Variants in ZNF423 observed in about 807,000 individuals in gnomAD.
ZNF423 encodes Ebf-associated zinc finger protein.
ZNF423 carries 12 observed loss-of-function variants against 95.8 expected under a neutral mutation model. The ratio of observed to expected loss-of-function variants is 0.13; its 90% confidence interval spans 0.08 to 0.20. The LOEUF (loss-of-function observed/expected upper bound fraction) is 0.20. ZNF423 is among the 10% of genes least tolerant of loss of function. The pLI is 1.00. For missense variants in ZNF423, 1,316 were observed against 1,737.1 expected (o/e 0.76, Z 4.31); for synonymous variants, 749 against 711.9 (o/e 1.05, Z -0.83).
At chr16:49,696,669 C>T (rs1268409375) in intron 3 of ZNF423, among the ~76,000 whole-genome samples, 2 of 152,038 alleles carry the variant, frequency 1.3e-5, no homozygotes, top group African/African-American at 4.8e-5. Context: ...CTACCTCCCC[C>T]TCATTGTGCA....
chr16:49,507,497 G>A (rs1010876104), intron 7 of ZNF423, among the ~76,000 whole-genome samples: 2 of 152,152 alleles, frequency 1.3e-5, no homozygotes, highest in Admixed American at 6.5e-5. Flanking sequence ...TGGCGCCACA[G>A]GTCAGGGCTG....
rs138209675 is a variant in ZNF423 at position 49,817,333 on chromosome 16, A to T, written c.41-27787T>A. On this transcript the variant is annotated intron_variant, in intron 1 of 7. Coordinates refer to ENST00000563137, the MANE Select transcript of ZNF423 (RefSeq NM_001379286.1). ...CAACAGAAAAGATGCTGCTAAAATT[A>T]CTATGAAGTCTTTCCCCAAAAGGCA... Among the ~76,000 whole-genome samples, 644 of 152,312 alleles carry T rather than the reference A, an allele frequency of 4.2e-3. 5 individuals are homozygous for T. The highest frequency in any genetic ancestry group is 0.015 in the African/African-American group (615 of 41,566).
intron 3 of ZNF423, among the ~76,000 whole-genome samples, chr16:49,675,659 A>G (rs1401182077): frequency 1.3e-5 from 2 of 152,134 alleles, no homozygotes. Flanking sequence ...TCACACGCAC[A>G]TGGAGCCAAG....
chr16:49,689,796 G>A (rs780241795), intron 3 of ZNF423, among the ~76,000 whole-genome samples: 1 of 152,150 alleles, frequency 6.6e-6, no homozygotes, highest in Non-Finnish European at 1.5e-5. Flanking sequence ...GATGCATCTG[G>A]GAGGGGTGGC....
At chr16:49,822,425 C>A (rs907465532) in intron 1 of ZNF423, among the ~76,000 whole-genome samples, 22 of 152,152 alleles carry the variant, frequency 1.4e-4, no homozygotes, top group Non-Finnish European at 3.1e-4. Context: ...CCACCTGCCT[C>A]AACCTCCCAA....
intron 2 of ZNF423, among the ~76,000 whole-genome samples, chr16:49,786,664 A>G (rs968149814): frequency 2.0e-5 from 3 of 152,228 alleles, no homozygotes; most frequent in African/African-American, 7.2e-5. Flanking sequence ...CAAGTGGTGC[A>G]GAGGTGAAAC....
At chr16:49,741,043 G>C (rs1017804437) in intron 2 of ZNF423, among the ~76,000 whole-genome samples, 2 of 152,178 alleles carry the variant, frequency 1.3e-5, no homozygotes, top group Non-Finnish European at 2.9e-5. Flanking sequence ...CGGATAACGA[G>C]TGGAGAGAAG....
chr16:49,621,512 C>T (rs781233515), intron 5 of ZNF423, among the ~76,000 whole-genome samples: 9 of 152,152 alleles, frequency 5.9e-5, no homozygotes, highest in Non-Finnish European at 8.8e-5. Flanking sequence ...GCCGGTTTAC[C>T]GCCCCGCAGG....
rs1190150386 is a variant in ZNF423 at position 49,489,962 on chromosome 16, C to T, written c.*1313G>A. The T allele has an allele frequency of 1.3e-5, 2 of 152,212 alleles. No individual in the cohort carries two copies. Among genetic ancestry groups the T allele is most frequent in the East Asian group, 3.9e-4 (2 of 5,194 alleles). The allele number at this position is 152,212 out of a possible 1,614,324, so 9.4% of individuals were successfully genotyped here. On this transcript the variant is annotated 3_prime_UTR_variant, in exon 8 of 8. Transcript: ENST00000563137. ...AGAGTGTAAAATGCAAGAGGACACCCATTCCCAGCACTTGCAGGTGTAGGG... is the reference window on the plus strand; with the variant it reads ...AGAGTGTAAAATGCAAGAGGACACCTATTCCCAGCACTTGCAGGTGTAGGG...
At chr16:49,796,453 A>G (rs1011218385) in intron 1 of ZNF423, among the ~76,000 whole-genome samples, 1 of 152,190 alleles carries the variant, frequency 6.6e-6, no homozygotes, top group African/African-American at 2.4e-5. Context: ...GGGAAACAGA[A>G]AGGGAAGGTG....
chr16:49,500,786 T>C (rs1967366140), intron 7 of ZNF423, among the ~76,000 whole-genome samples: 1 of 151,238 alleles, frequency 6.6e-6, no homozygotes, highest in African/African-American at 2.4e-5. Context: ...CGTGTGCCTG[T>C]AGTCCCAGCT....
intron 4 of ZNF423, among the ~76,000 whole-genome samples, chr16:49,631,161 A>G (rs746367448): frequency 1.3e-5 from 2 of 152,128 alleles, no homozygotes; most frequent in Non-Finnish European, 2.9e-5. Flanking sequence ...CTCACTCACC[A>G]CAACCCCAGT....
At chr16:49,562,867 C>A (rs1268694006) in intron 5 of ZNF423, among the ~76,000 whole-genome samples, 1 of 152,152 alleles carries the variant, frequency 6.6e-6, no homozygotes, top group African/African-American at 2.4e-5. Flanking sequence ...CAACCTCCAC[C>A]TCCTGGGTTC....
At chr16:49,612,471 T>TAA (rs35796892) in intron 5 of ZNF423, among the ~76,000 whole-genome samples, 2 of 148,276 alleles carry the variant, frequency 1.3e-5, no homozygotes, top group Non-Finnish European at 3.0e-5. Context: ...CCATTCATGG[T>TAA]AAAAAACAAA....
At position 49,690,910 on chromosome 16, in the gene ZNF423, G is replaced by A. The variant is rs372868152; in HGVS notation, c.301+39861C>T. On this transcript the variant is annotated intron_variant, in intron 3 of 7. Coordinates refer to ENST00000563137, the MANE Select transcript of ZNF423 (RefSeq NM_001379286.1). The stretch of plus-strand genomic sequence containing the variant: ...CAGCTCCAGAGACAGCCAGGAGGTC[G>A]GTGAGCAAACTAAAGCAACCTGTTT... Among the ~76,000 whole-genome samples, 188 of 152,296 alleles carry A rather than the reference G, an allele frequency of 1.2e-3. 3 individuals carry two copies. The South Asian group carries it at 0.035, about 29-fold the overall frequency.
chr16:49,663,058 C>T (rs904674429), intron 3 of ZNF423, among the ~76,000 whole-genome samples: 1 of 152,136 alleles, frequency 6.6e-6, no homozygotes, highest in Non-Finnish European at 1.5e-5. Context: ...TCCAAGCAGG[C>T]GCTGGCAGAG....
intron 5 of ZNF423, among the ~76,000 whole-genome samples, chr16:49,588,435 G>C (rs1970910557): frequency 6.6e-6 from 1 of 152,192 alleles, no homozygotes; most frequent in African/African-American, 2.4e-5. Context: ...AGGCCCACAA[G>C]TGAAAACTGG....
chr16:49,535,204 C>G (rs74954110), intron 5 of ZNF423, among the ~76,000 whole-genome samples: 7 of 152,202 alleles, frequency 4.6e-5, no homozygotes, highest in African/African-American at 1.7e-4. Flanking sequence ...ATGGGATTAC[C>G]AGTGGAGGCT....
intron 3 of ZNF423, among the ~76,000 whole-genome samples, chr16:49,644,275 T>G (rs1267465843): frequency 6.6e-6 from 1 of 151,910 alleles, no homozygotes; most frequent in African/African-American, 2.4e-5. Context: ...CTCTCTGCAT[T>G]GAGTTTGGGG....
Sources: gnomAD v4.1 joint callset for allele counts (sites outside exome capture counted in the v4.1 genomes callset) on GRCh38, gnomAD v4.1.1 for gene constraint, MANE v1.5 for transcripts, NCBI Gene and HGNC (gene_info 2026-07-23, HGNC 2026-07-21) for gene names.